The following RIF1 variants were observed in gnomAD, a reference collection of about 807,000 sequenced individuals.
RIF1 encodes the protein replication timing regulatory factor 1.
In RIF1, 45 loss-of-function variants were observed where a neutral mutation model predicts 247.1. The observed-to-expected ratio is 0.18, with a 90% CI of 0.14 to 0.23. RIF1 has a LOEUF of 0.23. Among genes scored for constraint, RIF1 ranks in the 10% least tolerant of loss-of-function variants. RIF1 has a pLI of 1.00. For synonymous variants in RIF1, 1,087 were observed against 978.8 expected, an observed-to-expected ratio of 1.11 and a Z score of -2.06; for missense variants, 2,967 against 2,862.5, an observed-to-expected ratio of 1.04 and a Z score of -0.83.
At position 151,503,724 on chromosome 2, in the gene RIF1, T is replaced by G. The variant is rs116897114; in HGVS notation, c.*861+539T>G. 2.3e-3 allele frequency among the ~76,000 whole-genome samples: 352 copies of G among 152,268 alleles called. 9 individuals are homozygous for G. In the East Asian group the frequency reaches 0.046, roughly 20 times the overall value. ...TAAATAAATTTACCAATGAGAAAAA[T>G]CTAACCATTTTGTTGCATCTAGCTT... On this transcript the variant is annotated intron_variant and NMD_transcript_variant, in intron 12 of 13. Transcript: ENST00000454583.
At chr2:151,505,048 TCATA>T (rs2067700035) in intron 12 of RIF1, among the ~76,000 whole-genome samples, 2 of 152,168 alleles carry the variant, frequency 1.3e-5, no homozygotes, top group African/African-American at 4.8e-5. Flanking sequence ...ATATGATGTG[TCATA>T]CATACACACA....
At chr2:151,462,114 C>G (rs773936208) in intron 27 of RIF1, 128 bp from the exon 28 acceptor site, 9 of 496,608 alleles carry the variant, frequency 1.8e-5, no homozygotes, top group Admixed American at 7.5e-5. Flanking sequence ...CTCAAGCAGC[C>G]CACCCACCTC....
chr2:151,504,188 T>C (rs2067010311), intron 12 of RIF1, among the ~76,000 whole-genome samples: 1 of 152,154 alleles, frequency 6.6e-6, no homozygotes, highest in East Asian at 1.9e-4. Flanking sequence ...GATTCCCTGG[T>C]GTATTAGTGC....
intron 2 of RIF1, 126 bp downstream of exon 2, chr2:151,410,653 G>C: frequency 1.3e-6 from 1 of 762,626 alleles, no homozygotes; most frequent in Non-Finnish European, 2.2e-6. Flanking sequence ...GGACGCCCGA[G>C]TCGCGGACGC....
intron 14 of RIF1, among the ~76,000 whole-genome samples, chr2:151,439,431 G>C (rs1055686661): frequency 6.6e-6 from 1 of 152,132 alleles, no homozygotes; most frequent in Non-Finnish European, 1.5e-5. Flanking sequence ...TTGGGAGGCC[G>C]AGGCGGGCGG....
chr2:151,459,935 G>A (rs567767135), intron 25 of RIF1, 65 bp from the exon 26 acceptor site: 28 of 1,297,610 alleles, frequency 2.2e-5, no homozygotes, highest in South Asian at 1.4e-5. Context: ...TTTTCAAAAC[G>A]TGAAAAGGAA....
chr2:151,507,800 G>A, exon 14 of RIF1: 1 of 536,170 alleles, frequency 1.9e-6, no homozygotes, highest in Admixed American at 3.1e-5. Context: ...CACCAACGAA[G>A]TAACAGATGA....
chr2:151,512,221 A>AGAT (rs2075040866), downstream of RIF1, among the ~76,000 whole-genome samples: 3 of 151,636 alleles, frequency 2.0e-5, no homozygotes, highest in South Asian at 6.3e-4. Flanking sequence ...TTTTTAGTAG[A>AGAT]GATAGAGTTT....
chr2:151,492,528 G>A, intron 9 of RIF1: 2 of 1,476,664 alleles, frequency 1.4e-6, no homozygotes, highest in Non-Finnish European at 1.9e-6. Context: ...GAGTGGTGCT[G>A]TCCTAAATCT....
chr2:151,527,358 T>G, the RIF1 span: 99 of 833,798 alleles, frequency 1.2e-4, 2 homozygotes, highest in African/African-American at 1.7e-3. Context: ...CATCCTCCTC[T>G]CCTTCTCGGA....
At position 151,497,562 on chromosome 2, in the gene RIF1, T is replaced by C; in HGVS notation, c.*514-1783T>C. ...AAAAAGTAGGATTAATACGTATTAT[T>C]TTAAATCATGAAAGTTTTCAAAATC... On this transcript the variant is annotated intron_variant and NMD_transcript_variant, in intron 10 of 13. Transcript: ENST00000454583. 2.0e-6 allele frequency: 3 copies of C among 1,533,028 alleles called. No individual in the cohort carries two copies. The South Asian group carries it at 3.7e-5, about 19-fold the overall frequency. The allele number at this position is 1,533,028 out of a possible 1,614,324, so 95.0% of individuals were successfully genotyped here.
chr2:151,533,331 A>T, the RIF1 span: 60 of 711,598 alleles, frequency 8.4e-5, no homozygotes, highest in South Asian at 1.1e-3. Flanking sequence ...TAGCTTTACC[A>T]TATGAAGCCA....
intron 25 of RIF1, 57 bp from the exon 26 acceptor site, chr2:151,459,943 G>C (rs1204379864): frequency 1.5e-5 from 21 of 1,389,862 alleles, no homozygotes; most frequent in Admixed American, 2.8e-5. Context: ...ACGTGAAAAG[G>C]AAAAGCAAAA....
In RIF1 at chr2:151,417,044, T is replaced by C. The variant is rs138700073; in HGVS notation, c.503+143T>C. ...CAAACGACTCAAGGACAAAAAGTAA[T>C]AGAAAAAAGATGGAAGTAGATATGT... On this transcript the variant is annotated intron_variant, in intron 6 of 35. Transcript: ENST00000444746. 1,526 of 626,382 alleles carry C rather than the reference T, an allele frequency of 2.4e-3. 22 individuals are homozygous for C. In the East Asian group the frequency reaches 0.029, roughly 12 times the overall value. 38.8% of individuals were successfully genotyped at this position (626,382 alleles called of 1,614,324 possible).
At chr2:151,415,844 T>C (rs537504878) in intron 4 of RIF1, among the ~76,000 whole-genome samples, 43 of 152,046 alleles carry the variant, frequency 2.8e-4, no homozygotes, top group Non-Finnish European at 4.4e-4. Context: ...GCCATTGCAC[T>C]CCAGCCTGGG....
chr2:151,425,618 C>A (rs1016460763), intron 8 of RIF1, among the ~76,000 whole-genome samples: 1 of 136,174 alleles, frequency 7.3e-6, no homozygotes, highest in Non-Finnish European at 1.6e-5. Flanking sequence ...TCCTCAATAT[C>A]TTTTACTGAA....
chr2:151,525,967 A>G, the RIF1 span: 8 of 1,613,432 alleles, frequency 5.0e-6, no homozygotes, highest in Admixed American at 3.3e-5. Context: ...CATCACTGAC[A>G]TGCTTGGTCA....
chr2:151,427,746 A>G (rs531840482), intron 8 of RIF1, among the ~76,000 whole-genome samples: 118 of 148,504 alleles, frequency 7.9e-4, no homozygotes, highest in South Asian at 2.8e-3. Flanking sequence ...CATGGCCAGC[A>G]TGGCAAAACC....
chr2:151,524,742 C>T, the RIF1 span: 1 of 723,176 alleles, frequency 1.4e-6, no homozygotes, highest in African/African-American at 2.0e-5. Flanking sequence ...TCTCAGCTCA[C>T]TGCAACTTCT....
Sources: gnomAD v4.1 joint callset for allele counts (sites outside exome capture counted in the v4.1 genomes callset) on GRCh38, gnomAD v4.1.1 for gene constraint, MANE v1.5 for transcripts, NCBI Gene and HGNC (gene_info 2026-07-23, HGNC 2026-07-21) for gene names.